The following NEDD4L variants were observed in gnomAD, a reference collection of about 807,000 sequenced individuals.
NEDD4L encodes the protein NEDD4 like E3 ubiquitin protein ligase.
In NEDD4L, 54 loss-of-function variants were observed where a neutral mutation model predicts 148.9. The ratio of observed to expected loss-of-function variants is 0.36; its 90% CI spans 0.29 to 0.45. The LOEUF is 0.45. NEDD4L is among the 20% of genes least tolerant of loss of function. The pLI, the probability that NEDD4L is intolerant of heterozygous loss-of-function variation, is 1.00. For missense variants in NEDD4L, 856 were observed against 1,233.8 expected (o/e 0.69, Z 4.59); for synonymous variants, 433 against 440.7 (o/e 0.98, Z 0.22).
chr18:58,114,059 G>GT (rs1285445008), intron 1 of NEDD4L, among the ~76,000 whole-genome samples: 16 of 152,104 alleles, frequency 1.1e-4, no homozygotes, highest in Non-Finnish European at 2.1e-4. Context: ...CTCCTTTAAT[G>GT]TTTTTTTGTG....
chr18:58,252,131 T>C (rs1467241068), intron 5 of NEDD4L, 77 bp downstream of exon 5: 41 of 933,990 alleles, frequency 4.4e-5, no homozygotes, highest in South Asian at 3.7e-4. Context: ...TTTAAAACTC[T>C]GTGTTTATGT....
intron 1 of NEDD4L, among the ~76,000 whole-genome samples, chr18:58,062,565 A>C (rs2082380942): frequency 6.6e-6 from 1 of 152,186 alleles, no homozygotes; most frequent in Non-Finnish European, 1.5e-5. Flanking sequence ...CTGTCATCTA[A>C]ATGTAGTTGG....
chr18:58,350,952 G>C (rs1357644521), intron 17 of NEDD4L, 39 bp from the exon 18 acceptor site: 1 of 1,513,732 alleles, frequency 6.6e-7, no homozygotes. Context: ...CCTAGCTAAT[G>C]TTTATATTTT....
Position 58,357,525 on chromosome 18 carries a change from A to C in NEDD4L, c.1767+273A>C, listed in dbSNP as rs73439476. The C allele has an allele frequency of 2.2e-3, 1,327 of 613,804 alleles. 12 individuals are homozygous for C. Among genetic ancestry groups the C allele is most frequent in the African/African-American group, 0.014 (769 of 55,328 alleles). The allele number at this position is 613,804 out of a possible 1,614,324, so 38.0% of individuals were successfully genotyped here. A position where few individuals can be genotyped will look rare whatever the true frequency, so the allele number is the denominator to read the frequency against. On this transcript the variant is annotated intron_variant, in intron 19 of 30. Transcript: ENST00000400345. ...CTTCTCCTTTATAAAAGGGTGGACTATAAGTATAGTCAAAATTCCCTCCCT... is the reference window on the plus strand; with the variant it reads ...CTTCTCCTTTATAAAAGGGTGGACTCTAAGTATAGTCAAAATTCCCTCCCT...
chr18:58,060,555 G>T (rs1185292801), intron 1 of NEDD4L, among the ~76,000 whole-genome samples: 1 of 152,142 alleles, frequency 6.6e-6, no homozygotes, highest in East Asian at 1.9e-4. Flanking sequence ...GAGGTATTTA[G>T]GAGGCAGATT....
intron 1 of NEDD4L, among the ~76,000 whole-genome samples, chr18:58,156,866 A>G (rs954477411): frequency 1.3e-5 from 2 of 152,034 alleles, no homozygotes; most frequent in African/African-American, 4.8e-5. Context: ...GGTCTTTTCT[A>G]TCTCTCTATT....
chr18:58,347,149 G>A (rs1399184808), intron 16 of NEDD4L, among the ~76,000 whole-genome samples: 1 of 144,684 alleles, frequency 6.9e-6, no homozygotes, highest in Non-Finnish European at 1.5e-5. Flanking sequence ...TTCATGCTCT[G>A]CCCCTCACTG....
chr18:58,204,130 CT>C (rs2041732375), intron 2 of NEDD4L, among the ~76,000 whole-genome samples: 3 of 152,288 alleles, frequency 2.0e-5, no homozygotes, highest in Non-Finnish European at 4.4e-5. Context: ...AGTTTGAGAC[CT>C]GCCTGGCCAA....
intron 2 of NEDD4L, among the ~76,000 whole-genome samples, chr18:58,216,289 A>T (rs1250324569): frequency 6.6e-6 from 1 of 151,826 alleles, no homozygotes; most frequent in Admixed American, 6.6e-5. Context: ...TTCATGGGGG[A>T]GGGCTGGAGA....
At chr18:58,095,633 T>G (rs1246584684) in intron 1 of NEDD4L, among the ~76,000 whole-genome samples, 1 of 152,232 alleles carries the variant, frequency 6.6e-6, no homozygotes, top group Admixed American at 6.5e-5. Flanking sequence ...TGGGCATTGA[T>G]CGACACTGTG....
chr18:58,301,167 A>G (rs1010254521), intron 5 of NEDD4L, among the ~76,000 whole-genome samples: 1 of 152,188 alleles, frequency 6.6e-6, no homozygotes, highest in Non-Finnish European at 1.5e-5. Context: ...TTAAATCAAT[A>G]AAAGAATGAC....
At chr18:58,253,991 G>GTTT (rs35718137) in intron 5 of NEDD4L, among the ~76,000 whole-genome samples, 1 of 146,440 alleles carries the variant, frequency 6.8e-6, no homozygotes, top group Non-Finnish European at 1.5e-5. Context: ...TGGTGTTGCT[G>GTTT]TTTTTTTTTT....
chr18:58,127,840 CAAAAAAAA>C (rs113559692), intron 1 of NEDD4L, among the ~76,000 whole-genome samples: 1 of 114,132 alleles, frequency 8.8e-6, no homozygotes, highest in Non-Finnish European at 1.7e-5. Flanking sequence ...GACTCCGTCT[CAAAAAAAA>C]AAAAAAAAAA....
At chr18:58,206,869 G>A (rs1599702171) in intron 2 of NEDD4L, among the ~76,000 whole-genome samples, 2 of 152,106 alleles carry the variant, frequency 1.3e-5, no homozygotes, top group South Asian at 4.2e-4. Context: ...TCCCCACCTG[G>A]GCACCTTCAT....
chr18:58,379,323 A>G (rs1035944368), intron 24 of NEDD4L, among the ~76,000 whole-genome samples: 3 of 152,176 alleles, frequency 2.0e-5, no homozygotes, highest in Non-Finnish European at 4.4e-5. Flanking sequence ...CCTATAGGAG[A>G]TGCGCAGGGC....
chr18:58,175,785 T>A (rs7232429), intron 2 of NEDD4L, among the ~76,000 whole-genome samples: 12,935 of 152,304 alleles, frequency 0.085, 1,803 homozygotes, highest in African/African-American at 0.29. Flanking sequence ...AAAAACCTCT[T>A]TACTCCCTAA....
chr18:58,357,951 A>C (rs1313894687), intron 19 of NEDD4L, among the ~76,000 whole-genome samples: 1 of 152,188 alleles, frequency 6.6e-6, no homozygotes, highest in Non-Finnish European at 1.5e-5. Flanking sequence ...GCACACCACC[A>C]GCTTTTGTCA....
intron 19 of NEDD4L, among the ~76,000 whole-genome samples, chr18:58,357,822 G>C (rs773547861): frequency 6.6e-6 from 1 of 152,112 alleles, no homozygotes; most frequent in East Asian, 1.9e-4. Context: ...TTAAAACACC[G>C]TAGCACACTG....
At chr18:58,307,025 A>G (rs1010830215) in intron 5 of NEDD4L, among the ~76,000 whole-genome samples, 2 of 152,222 alleles carry the variant, frequency 1.3e-5, no homozygotes, top group African/African-American at 4.8e-5. Flanking sequence ...GTTTCTCCCC[A>G]GAGTAAAGCT....
Sources: allele counts gnomAD v4.1 joint callset (sites outside exome capture counted in the v4.1 genomes callset), GRCh38; gene constraint gnomAD v4.1.1; transcripts MANE v1.5; gene names NCBI Gene and HGNC (gene_info 2026-07-23, HGNC 2026-07-21).